The following ANKFN1 variants were observed in gnomAD, a reference collection of about 807,000 sequenced individuals.
ANKFN1 encodes ankyrin repeat and fibronectin type III domain containing 1.
A neutral mutation model predicts 108.7 loss-of-function variants in ANKFN1; 74 were observed. That is an observed-to-expected ratio of 0.68 (90% CI 0.56 to 0.83). The LOEUF (loss-of-function observed/expected upper bound fraction) is 0.83, where lower values mean the gene tolerates loss of function less well. ANKFN1 is among the 40% of genes least tolerant of loss of function. ANKFN1 has a pLI of 0.00. For missense variants in ANKFN1, 1,505 were observed against 1,382.3 expected (o/e 1.09, Z -1.41); for synonymous variants, 547 against 516.2 (o/e 1.06, Z -0.81).
At chr17:56,268,872 T>C (rs1356494024) in intron 3 of ANKFN1, among the ~76,000 whole-genome samples, 1 of 152,178 alleles carries the variant, frequency 6.6e-6, no homozygotes, top group African/African-American at 2.4e-5. Context: ...ATTAAATGTG[T>C]ATGTCATCCC....
At chr17:56,455,229 GT>G (rs1245965041) in intron 11 of ANKFN1, among the ~76,000 whole-genome samples, 14 of 152,084 alleles carry the variant, frequency 9.2e-5, no homozygotes, top group African/African-American at 3.1e-4. Context: ...AAAAATTTAT[GT>G]TGTTTCCTTC....
At chr17:56,432,411 T>TA (rs1196716672) in intron 8 of ANKFN1, among the ~76,000 whole-genome samples, 4 of 152,242 alleles carry the variant, frequency 2.6e-5, no homozygotes, top group African/African-American at 7.2e-5. Flanking sequence ...TAATAATGTA[T>TA]AATAAAATAT....
At chr17:56,269,694 C>A (rs1454388405) in intron 3 of ANKFN1, among the ~76,000 whole-genome samples, 1 of 152,134 alleles carries the variant, frequency 6.6e-6, no homozygotes, top group Non-Finnish European at 1.5e-5. Flanking sequence ...AGGCCTTTGG[C>A]AAGGAAACAA....
chr17:56,346,732 A>ATT lies in ANKFN1; in HGVS notation c.189-4025_189-4024dup, dbSNP rs11394329. 2.9e-4 allele frequency among the ~76,000 whole-genome samples: 43 copies of ATT among 150,076 alleles called. 1 individual carries two copies. In the East Asian group the frequency reaches 5.7e-3, roughly 20 times the overall value. On this transcript the variant is annotated intron_variant, in intron 4 of 20. Coordinates refer to ENST00000682825, the MANE Select transcript of ANKFN1 (RefSeq NM_001370326.1). Reference sequence around the variant, plus strand: ...TCTCTGCCATTCCCATTGACGTACTATTTTTTTTTTAATTTTGAATCTTTA... The same window carrying ATT: ...TCTCTGCCATTCCCATTGACGTACTATTTTTTTTTTTTAATTTTGAATCTTTA...
intron 4 of ANKFN1, among the ~76,000 whole-genome samples, chr17:56,051,679 C>T (rs1904777974): frequency 1.5e-5 from 2 of 133,344 alleles, no homozygotes; most frequent in African/African-American, 2.9e-5. Flanking sequence ...CTCATTGTCT[C>T]AGCCCAAAAT....
intron 20 of ANKFN1, among the ~76,000 whole-genome samples, chr17:56,507,169 C>G (rs1327736234): frequency 6.6e-6 from 1 of 152,204 alleles, no homozygotes; most frequent in Non-Finnish European, 1.5e-5. Flanking sequence ...CTTCCTCACT[C>G]TTAAGGCACC....
At chr17:56,332,925 C>T (rs193175787) in intron 4 of ANKFN1, among the ~76,000 whole-genome samples, 6 of 151,820 alleles carry the variant, frequency 4.0e-5, no homozygotes, top group Non-Finnish European at 7.4e-5. Flanking sequence ...GAAGAACTGA[C>T]ACTTTAACAA....
intron 6 of ANKFN1, among the ~76,000 whole-genome samples, chr17:56,356,405 C>A (rs2046378744): frequency 6.6e-6 from 1 of 152,110 alleles, no homozygotes; most frequent in Admixed American, 6.6e-5. Flanking sequence ...GTGGTGAGAC[C>A]CAGAAGGCTG....
intron 15 of ANKFN1, among the ~76,000 whole-genome samples, chr17:56,474,610 C>T (rs1416203174): frequency 6.6e-6 from 1 of 152,188 alleles, no homozygotes; most frequent in East Asian, 1.9e-4. Flanking sequence ...CTCCAGTTCT[C>T]CATGACTTCT....
intron 11 of ANKFN1, among the ~76,000 whole-genome samples, chr17:56,451,932 A>T (rs2049503935): frequency 6.6e-6 from 1 of 152,198 alleles, no homozygotes; most frequent in Non-Finnish European, 1.5e-5. Context: ...CCTAAATAGG[A>T]GGTACCAACA....
intron 3 of ANKFN1, among the ~76,000 whole-genome samples, chr17:56,289,825 T>C (rs994302846): frequency 1.3e-5 from 2 of 152,198 alleles, no homozygotes; most frequent in Admixed American, 1.3e-4. Context: ...ATCCCTAATA[T>C]GGAGTAACTG....
At chr17:56,109,586 G>GA (rs1266457658) in intron 4 of ANKFN1, among the ~76,000 whole-genome samples, 2 of 151,714 alleles carry the variant, frequency 1.3e-5, no homozygotes, top group South Asian at 2.1e-4. Context: ...CAGAATGGCT[G>GA]AAAAAAAAGG....
intron 4 of ANKFN1, among the ~76,000 whole-genome samples, chr17:56,081,345 T>A (rs954011509): frequency 2.0e-5 from 3 of 152,132 alleles, no homozygotes; most frequent in African/African-American, 7.2e-5. Flanking sequence ...TTTATTTATT[T>A]ATTTATTTAT....
intron 4 of ANKFN1, among the ~76,000 whole-genome samples, chr17:56,063,459 T>C (rs1325711998): frequency 6.6e-6 from 1 of 152,026 alleles, no homozygotes; most frequent in Non-Finnish European, 1.5e-5. Context: ...TCATTCCTTT[T>C]TTCTCTAGTC....
At chr17:56,296,466 C>A (rs1270175385) in intron 3 of ANKFN1, among the ~76,000 whole-genome samples, 2 of 152,048 alleles carry the variant, frequency 1.3e-5, no homozygotes, top group Non-Finnish European at 2.9e-5. Context: ...GGCAGATTAC[C>A]TGAGGTCAGG....
intron 3 of ANKFN1, among the ~76,000 whole-genome samples, chr17:56,309,722 C>T (rs950221691): frequency 2.6e-5 from 4 of 152,076 alleles, no homozygotes; most frequent in South Asian, 2.1e-4. Flanking sequence ...ACATACATAC[C>T]TATGATAAAG....
intron 3 of ANKFN1, among the ~76,000 whole-genome samples, chr17:56,241,704 A>C (rs1917596166): frequency 6.6e-6 from 1 of 152,150 alleles, no homozygotes. Context: ...TTTAATTTAA[A>C]ACTTAGGTAC....
intron 8 of ANKFN1, among the ~76,000 whole-genome samples, chr17:56,387,093 G>T (rs1309340056): frequency 6.6e-6 from 1 of 151,844 alleles, no homozygotes; most frequent in Non-Finnish European, 1.5e-5. Context: ...TTGTTGGTTT[G>T]TTTGAAGAGA....
At chr17:56,356,266 T>TC (rs2046374890) in intron 6 of ANKFN1, among the ~76,000 whole-genome samples, 1 of 152,098 alleles carries the variant, frequency 6.6e-6, no homozygotes, top group Non-Finnish European at 1.5e-5. Flanking sequence ...GCACTCACAT[T>TC]CCCCTTAGTG....
Sources: allele counts gnomAD v4.1 joint callset (sites outside exome capture counted in the v4.1 genomes callset), GRCh38; gene constraint gnomAD v4.1.1; transcripts MANE v1.5; gene names NCBI Gene and HGNC (gene_info 2026-07-23, HGNC 2026-07-21).